The following PSMD14 variants were observed in gnomAD, a reference collection of about 807,000 sequenced individuals.
PSMD14 encodes the protein proteasome 26S subunit, non-ATPase 14.
Under a neutral mutation model 41.2 loss-of-function variants are expected in PSMD14, and 7 were observed. The observed-to-expected ratio is 0.17, with a 90% CI of 0.10 to 0.32. The LOEUF is 0.32. Ranked by LOEUF, PSMD14 falls within the 10% of genes least tolerant of loss-of-function variation. PSMD14 has a pLI of 1.00. For synonymous variants in PSMD14, 114 were observed against 122.3 expected (o/e 0.93, Z 0.45); for missense variants, 139 against 375.6 (o/e 0.37, Z 5.21).
chr2:161,315,518 A>G (rs533302402), intron 1 of PSMD14, among the ~76,000 whole-genome samples: 24 of 152,350 alleles, frequency 1.6e-4, no homozygotes, highest in Admixed American at 1.5e-3. Flanking sequence ...CTAGTGTTCT[A>G]TATCTTTTTG....
intron 11 of PSMD14, among the ~76,000 whole-genome samples, chr2:161,410,321 A>G (rs1018049228): frequency 6.6e-6 from 1 of 152,084 alleles, no homozygotes; most frequent in South Asian, 2.1e-4. Context: ...TTTAAAAAAA[A>G]ATAGTGTATT....
chr2:161,405,132 C>G (rs751176015), intron 10 of PSMD14, among the ~76,000 whole-genome samples: 1 of 152,144 alleles, frequency 6.6e-6, no homozygotes, highest in Non-Finnish European at 1.5e-5. Context: ...ACTCATTTTT[C>G]TAGGCATCGT....
chr2:161,370,400 T>TAGTC (rs1169800581), intron 6 of PSMD14, among the ~76,000 whole-genome samples: 1 of 152,132 alleles, frequency 6.6e-6, no homozygotes, highest in African/African-American at 2.4e-5. Context: ...TTAAAATTCT[T>TAGTC]GACTGTCACA....
chr2:161,389,715 T>C (rs1683680787), intron 8 of PSMD14, among the ~76,000 whole-genome samples: 1 of 151,696 alleles, frequency 6.6e-6, no homozygotes, highest in African/African-American at 2.4e-5. Flanking sequence ...TCCTGATCCT[T>C]AAAGTAAATA....
chr2:161,308,740 C>G (rs929240785), intron 1 of PSMD14, 136 bp downstream of exon 1: 4 of 152,324 alleles, frequency 2.6e-5, no homozygotes, highest in Non-Finnish European at 4.4e-5. Context: ...GGAGCCCGGC[C>G]TCCTTCATTC....
At position 161,327,962 on chromosome 2, in the gene PSMD14, G is replaced by GTGTGTGTGTT. The variant is rs947953701; in HGVS notation, c.48+9098_48+9099insTTGTGTGTGT. Reference sequence around the variant, plus strand: ...TCATGTAAGCTGTGTGTGTGTGTGTGTGTGTGTGTGTGTGTGTGTGTGAGA... The same window carrying GTGTGTGTGTT: ...TCATGTAAGCTGTGTGTGTGTGTGTGTGTGTGTGTTTGTGTGTGTGTGTGTGTGTGTGAGA... On this transcript the variant is annotated intron_variant, in intron 3 of 11. Transcript: ENST00000409682. Among the ~76,000 whole-genome samples, 7 of 150,332 alleles carry GTGTGTGTGTT rather than the reference G, an allele frequency of 4.7e-5. No homozygotes were observed. In the East Asian group the frequency reaches 9.8e-4, roughly 21 times the overall value.
intron 8 of PSMD14, among the ~76,000 whole-genome samples, chr2:161,389,886 G>GTTGTTGTGTTTTTTTTTTTTTT (rs1330059094): frequency 1.3e-4 from 2 of 14,938 alleles, no homozygotes. Context: ...TTTCTTTTTT[G>GTTGTTGTGTTTTTTTTTTTTTT]TTGTTTTTTT....
chr2:161,387,739 AT>A (rs1280562631), intron 8 of PSMD14, among the ~76,000 whole-genome samples: 1 of 151,944 alleles, frequency 6.6e-6, no homozygotes, highest in Non-Finnish European at 1.5e-5. Context: ...GAATTATGAG[AT>A]TTTTTTGTCT....
At chr2:161,343,002 A>G (rs1318338446) in intron 3 of PSMD14, among the ~76,000 whole-genome samples, 3 of 152,162 alleles carry the variant, frequency 2.0e-5, no homozygotes, top group Non-Finnish European at 4.4e-5. Flanking sequence ...CCTTTGTGCT[A>G]TATGTTGAAA....
At chr2:161,380,362 A>G (rs1366569490) in intron 7 of PSMD14, among the ~76,000 whole-genome samples, 3 of 152,022 alleles carry the variant, frequency 2.0e-5, no homozygotes, top group African/African-American at 7.2e-5. Context: ...GTGTTTCATG[A>G]ATCTAAAAAT....
At chr2:161,358,024 A>G (rs565194525) in intron 3 of PSMD14, among the ~76,000 whole-genome samples, 109 of 152,244 alleles carry the variant, frequency 7.2e-4, no homozygotes, top group Non-Finnish European at 1.2e-3. Flanking sequence ...CACCAGAAAA[A>G]AGACTTTTTT....
intron 3 of PSMD14, among the ~76,000 whole-genome samples, chr2:161,353,056 G>A (rs1039244901): frequency 3.3e-5 from 5 of 152,064 alleles, no homozygotes; most frequent in African/African-American, 1.2e-4. Context: ...AGAATATTTT[G>A]TTCTGAGAAC....
At chr2:161,361,371 G>GA (rs959951860) in intron 3 of PSMD14, among the ~76,000 whole-genome samples, 5 of 151,978 alleles carry the variant, frequency 3.3e-5, no homozygotes, top group Admixed American at 3.3e-4. Context: ...CAATACAACT[G>GA]AAAAGATTAT....
chr2:161,341,364 C>A, intron 3 of PSMD14: 1 of 968,082 alleles, frequency 1.0e-6, no homozygotes, highest in South Asian at 4.7e-5. Flanking sequence ...GCTGCGACCC[C>A]GAGGGATCCC....
At chr2:161,371,092 C>T (rs750661527) in intron 6 of PSMD14, 80 bp from the exon 7 acceptor site, 27 of 1,445,532 alleles carry the variant, frequency 1.9e-5, no homozygotes, top group African/African-American at 8.4e-5. Flanking sequence ...ATTTATACCC[C>T]GTTAGTGTGT....
chr2:161,359,685 T>C (rs1201340313), intron 3 of PSMD14, among the ~76,000 whole-genome samples: 2 of 152,138 alleles, frequency 1.3e-5, no homozygotes, highest in African/African-American at 2.4e-5. Context: ...AGGAAGGACA[T>C]CTCAAGTTTT....
chr2:161,324,335 A>G (rs1229162484), intron 3 of PSMD14, among the ~76,000 whole-genome samples: 2 of 152,232 alleles, frequency 1.3e-5, no homozygotes, highest in Non-Finnish European at 2.9e-5. Context: ...GCTAATGCTC[A>G]TTGTAAATAA....
At chr2:161,372,925 A>G (rs1323816124) in intron 7 of PSMD14, among the ~76,000 whole-genome samples, 1 of 151,894 alleles carries the variant, frequency 6.6e-6, no homozygotes, top group Non-Finnish European at 1.5e-5. Flanking sequence ...AGGTTTTATG[A>G]TATCTTGACT....
intron 10 of PSMD14, among the ~76,000 whole-genome samples, chr2:161,404,925 A>T (rs1046448942): frequency 6.6e-6 from 1 of 152,052 alleles, no homozygotes; most frequent in African/African-American, 2.4e-5. Flanking sequence ...GTCTGTTTTC[A>T]TAGTTTAGCA....
Sources: gnomAD v4.1 joint callset for allele counts (sites outside exome capture counted in the v4.1 genomes callset) on GRCh38, gnomAD v4.1.1 for gene constraint, MANE v1.5 for transcripts, NCBI Gene and HGNC (gene_info 2026-07-23, HGNC 2026-07-21) for gene names.